KIAA1217: variants seen among roughly 807,000 people sequenced by gnomAD.
KIAA1217 encodes KIAA1217.
KIAA1217 carries 88 observed loss-of-function variants against 163.9 expected under a neutral mutation model. The ratio of observed to expected loss-of-function variants is 0.54; its 90% CI spans 0.45 to 0.64. KIAA1217 has a LOEUF of 0.64. Among genes scored for constraint, KIAA1217 ranks in the 30% least tolerant of loss-of-function variants. The probability of loss-of-function intolerance (pLI) is 0.00; values close to 1 mark genes in which losing one functional copy is unlikely to be tolerated. For synonymous variants in KIAA1217, 903 were observed against 923.1 expected (o/e 0.98, Z 0.39); for missense variants, 2,372 against 2,475.0 (o/e 0.96, Z 0.88).
intron 1 of KIAA1217, among the ~76,000 whole-genome samples, chr10:23,883,352 A>C (rs777009000): frequency 2.0e-5 from 3 of 151,942 alleles, no homozygotes; most frequent in Non-Finnish European, 4.4e-5. Flanking sequence ...GGTGGGATGC[A>C]AGTGAGCTAT....
At chr10:23,819,058 A>G (rs953320169) in intron 1 of KIAA1217, among the ~76,000 whole-genome samples, 1 of 152,228 alleles carries the variant, frequency 6.6e-6, no homozygotes, top group Non-Finnish European at 1.5e-5. Flanking sequence ...TATTTGCATG[A>G]TATTAAAGCA....
intron 2 of KIAA1217, among the ~76,000 whole-genome samples, chr10:24,328,395 G>A (rs760617404): frequency 2.0e-5 from 3 of 152,096 alleles, no homozygotes; most frequent in Non-Finnish European, 2.9e-5. Context: ...GTGAGTGTCA[G>A]CTTCTTGATG....
At chr10:24,522,000 G>A in intron 12 of KIAA1217, 71 bp downstream of exon 12, 1 of 1,530,206 alleles carries the variant, frequency 6.5e-7, no homozygotes, top group Non-Finnish European at 8.8e-7. Flanking sequence ...GTGGACGTTT[G>A]GGACTTCAGC....
At chr10:24,119,073 A>C (rs1395565714) in intron 2 of KIAA1217, among the ~76,000 whole-genome samples, 1 of 152,186 alleles carries the variant, frequency 6.6e-6, no homozygotes, top group East Asian at 1.9e-4. Context: ...TTACAAGATG[A>C]GATACTGAGT....
chr10:24,421,553 A>G (rs2058734857), intron 3 of KIAA1217, among the ~76,000 whole-genome samples: 1 of 152,178 alleles, frequency 6.6e-6, no homozygotes, highest in African/African-American at 2.4e-5. Context: ...GGATGCAGTG[A>G]CAGCAAAAAT....
At chr10:24,102,542 C>G (rs777185736) in intron 2 of KIAA1217, among the ~76,000 whole-genome samples, 6 of 152,124 alleles carry the variant, frequency 3.9e-5, no homozygotes, top group Non-Finnish European at 5.9e-5. Context: ...TAAACTGATT[C>G]TAACATTTAT....
intron 3 of KIAA1217, among the ~76,000 whole-genome samples, chr10:24,397,878 GT>G (rs1218134210): frequency 6.6e-6 from 1 of 152,144 alleles, no homozygotes; most frequent in East Asian, 1.9e-4. Flanking sequence ...GGCACTGAGT[GT>G]ACCCGGAAGC....
At chr10:23,699,856 C>T (rs1836310301) in intron 1 of KIAA1217, among the ~76,000 whole-genome samples, 1 of 152,070 alleles carries the variant, frequency 6.6e-6, no homozygotes, top group Admixed American at 6.5e-5. Context: ...GCTTTTCCTC[C>T]AGATCGTAAG....
chr10:23,765,187 CTTTTTTTTTTTT>C (rs67342339), intron 1 of KIAA1217, among the ~76,000 whole-genome samples: 12 of 75,366 alleles, frequency 1.6e-4, no homozygotes, highest in African/African-American at 6.4e-4. Context: ...TTTTTGTTCT[CTTTTTTTTTTTT>C]TTTTTTTTTT....
At chr10:24,348,223 C>T (rs1366664610) in intron 2 of KIAA1217, among the ~76,000 whole-genome samples, 1 of 152,054 alleles carries the variant, frequency 6.6e-6, no homozygotes, top group Non-Finnish European at 1.5e-5. Context: ...CATGGTGGCA[C>T]ATGCTTACTT....
chr10:23,986,812 G>A (rs1292791761), intron 1 of KIAA1217, among the ~76,000 whole-genome samples: 1 of 152,196 alleles, frequency 6.6e-6, no homozygotes, highest in Non-Finnish European at 1.5e-5. Flanking sequence ...ATACAAGAAT[G>A]TAATGTCCTT....
chr10:24,410,011 T>C (rs2057611209), intron 3 of KIAA1217, among the ~76,000 whole-genome samples: 1 of 149,138 alleles, frequency 6.7e-6, no homozygotes, highest in African/African-American at 2.5e-5. Context: ...TTTTTTTTTT[T>C]TTTGAGACAG....
chr10:23,729,847 A>C (rs1311807858), intron 1 of KIAA1217, among the ~76,000 whole-genome samples: 1 of 152,120 alleles, frequency 6.6e-6, no homozygotes, highest in Non-Finnish European at 1.5e-5. Flanking sequence ...GTATCCAAAA[A>C]GTAATTGTCA....
intron 2 of KIAA1217, among the ~76,000 whole-genome samples, chr10:24,030,375 A>G (rs902653545): frequency 2.0e-5 from 3 of 151,952 alleles, no homozygotes; most frequent in African/African-American, 7.3e-5. Context: ...CATGAGATCT[A>G]ATGATTTAAA....
intron 2 of KIAA1217, among the ~76,000 whole-genome samples, chr10:24,085,190 C>T (rs564814910): frequency 5.9e-5 from 9 of 152,146 alleles, no homozygotes; most frequent in African/African-American, 2.2e-4. Flanking sequence ...CTGGGATTAC[C>T]GCGTGAGCCA....
At chr10:24,312,866 T>G (rs1457433781) in intron 2 of KIAA1217, among the ~76,000 whole-genome samples, 2 of 151,440 alleles carry the variant, frequency 1.3e-5, no homozygotes, top group Non-Finnish European at 2.9e-5. Flanking sequence ...CAGGGAGCCT[T>G]GATTGTGCCA....
chr10:24,004,868 A>C (rs568399736), intron 1 of KIAA1217, among the ~76,000 whole-genome samples: 11 of 152,338 alleles, frequency 7.2e-5, no homozygotes, highest in Admixed American at 7.2e-4. Flanking sequence ...GGGCCAATCT[A>C]GTGGGAAGGA....
In KIAA1217 at chr10:23,878,262, T is replaced by A. The variant is rs189379613; in HGVS notation, c.-320-128963T>A. ...TACTTCTGCACCAAAATGGATTTTT[T>A]AAAAAATTTCTACTATGAAGCCAGC... On this transcript the variant is annotated intron_variant, in intron 1 of 18. Transcript: ENST00000376462. Among the ~76,000 whole-genome samples the A allele has an allele frequency of 3.4e-3, 512 of 151,994 alleles. 1 individual carries two copies. Among genetic ancestry groups the A allele is most frequent in the African/African-American group, 0.012 (482 of 41,500 alleles).
In KIAA1217 at chr10:24,494,506, G is replaced by A. The variant is rs576233930; in HGVS notation, c.1686G>A (p.Arg562=). The A allele has an allele frequency of 2.5e-6, 4 of 1,612,472 alleles. No homozygotes were observed. The highest frequency in any genetic ancestry group is 1.1e-5 in the South Asian group (1 of 90,940). ...CAATTCTCTTGTTTTACAGAGAGAG[G>A]ATGCAAGCCATGGAGAAACAGATTG... ...TIPKDRETRE[R]MQAMEKQIAS... is the part of the protein sequence containing the mutation. The change falls in exon 7 of 21, where the codon AGG becomes AGA. Residue 562 remains arginine, a synonymous_variant. Coordinates refer to ENST00000376454, the MANE Select transcript of KIAA1217 (RefSeq NM_019590.5).
Sources: allele counts gnomAD v4.1 joint callset (sites outside exome capture counted in the v4.1 genomes callset), GRCh38; gene constraint gnomAD v4.1.1; transcripts MANE v1.5; gene names NCBI Gene and HGNC (gene_info 2026-07-23, HGNC 2026-07-21).